Variants in VPS13B observed in about 807,000 individuals in gnomAD.
The protein encoded by VPS13B is intermembrane lipid transfer protein VPS13B.
A neutral mutation model predicts 426.4 loss-of-function variants in VPS13B; 285 were observed. The ratio of observed to expected loss-of-function variants is 0.67; its 90% CI spans 0.61 to 0.74. VPS13B has a LOEUF of 0.74. VPS13B is among the 30% of genes least tolerant of loss of function. VPS13B has a pLI of 0.00. For missense variants in VPS13B, 4,537 were observed against 4,782.6 expected, an observed-to-expected ratio of 0.95 and a Z score of 1.51; for synonymous variants, 1,676 against 1,676.4, an observed-to-expected ratio of 1.00 and a Z score of 0.01.
chr8:99,527,550 C>A (rs1261407278), intron 30 of VPS13B, among the ~76,000 whole-genome samples: 1 of 152,064 alleles, frequency 6.6e-6, no homozygotes, highest in Non-Finnish European at 1.5e-5. Flanking sequence ...ATGTGTTCAA[C>A]CATATCCCTG....
intron 33 of VPS13B, among the ~76,000 whole-genome samples, chr8:99,591,835 G>A (rs960465140): frequency 6.6e-6 from 1 of 151,938 alleles, no homozygotes; most frequent in Non-Finnish European, 1.5e-5. Flanking sequence ...GTTTCTTGGG[G>A]TTGCTCTTCT....
intron 12 of VPS13B, among the ~76,000 whole-genome samples, chr8:99,139,434 C>CTTTTTTTTT (rs368548690): frequency 2.2e-5 from 3 of 135,676 alleles, no homozygotes; most frequent in African/African-American, 5.4e-5. Flanking sequence ...TTGATATTTC[C>CTTTTTTTTT]TTTTTTTTTT....
In VPS13B at chr8:99,336,431, T is replaced by G. The variant is rs563846341; in HGVS notation, c.2825-47777T>G. 1.4e-4 allele frequency among the ~76,000 whole-genome samples: 21 copies of G among 152,258 alleles called. No homozygotes were observed. In the East Asian group the frequency reaches 3.9e-3, roughly 28 times the overall value. ...AAACCCTAGAAGAAAACCTAGGCAT[T>G]ACCATTCAGGACATAGGCATGGGCA... On this transcript the variant is annotated intron_variant, in intron 19 of 61. Coordinates refer to ENST00000357162, the MANE Select transcript of VPS13B (RefSeq NM_152564.5).
chr8:99,528,364 A>C (rs1422682450), intron 30 of VPS13B, among the ~76,000 whole-genome samples: 2 of 152,046 alleles, frequency 1.3e-5, no homozygotes, highest in East Asian at 3.9e-4. Context: ...ATATACATTG[A>C]TTAATATTTG....
intron 61 of VPS13B, among the ~76,000 whole-genome samples, chr8:99,874,567 G>A (rs1156447644): frequency 2.6e-5 from 4 of 151,920 alleles, no homozygotes; most frequent in Non-Finnish European, 4.4e-5. Flanking sequence ...CAAAAACCAC[G>A]GAAAGTTTGG....
intron 33 of VPS13B, among the ~76,000 whole-genome samples, chr8:99,629,506 A>T (rs1343952939): frequency 6.6e-6 from 1 of 152,186 alleles, no homozygotes; most frequent in Non-Finnish European, 1.5e-5. Context: ...GTTCTACAGC[A>T]TTGTAGGGAA....
chr8:99,316,805 C>T (rs1809684309), intron 19 of VPS13B, among the ~76,000 whole-genome samples: 1 of 152,160 alleles, frequency 6.6e-6, no homozygotes, highest in South Asian at 2.1e-4. Flanking sequence ...TGCCTCTAGT[C>T]AGCCATTGTG....
intron 5 of VPS13B, among the ~76,000 whole-genome samples, chr8:99,106,130 T>G (rs1847029974): frequency 6.6e-6 from 1 of 151,908 alleles, no homozygotes; most frequent in Non-Finnish European, 1.5e-5. Context: ...AGAAAGAGCA[T>G]TAAGCAAAAA....
Position 99,391,847 on chromosome 8 carries a change from C to T in VPS13B, c.3082+143C>T, listed in dbSNP as rs1814465072. ...AGAACTTTATTATCCACAACATTAG[C>T]AATAATCACAGTATTAGCATTTTTT... is the stretch of plus-strand genomic sequence containing the variant. On this transcript the variant is annotated intron_variant, in intron 21 of 61. Coordinates refer to ENST00000357162, the MANE Select transcript of VPS13B (RefSeq NM_152564.5). 22 of 1,157,666 alleles carry T rather than the reference C, an allele frequency of 1.9e-5. No homozygotes were observed. In the South Asian group the frequency reaches 2.9e-4, roughly 15 times the overall value. The allele number at this position is 1,157,666 out of a possible 1,614,324, so 71.7% of individuals were successfully genotyped here. A position where few individuals can be genotyped will look rare whatever the true frequency, so the allele number is the denominator to read the frequency against.
At chr8:99,496,820 C>A (rs1321835441) in intron 25 of VPS13B, among the ~76,000 whole-genome samples, 1 of 151,888 alleles carries the variant, frequency 6.6e-6, no homozygotes, top group Non-Finnish European at 1.5e-5. Context: ...TATTTTGGAT[C>A]TCTGGGTTTT....
chr8:99,497,319 T>C (rs1171350601), intron 25 of VPS13B, among the ~76,000 whole-genome samples: 3 of 145,514 alleles, frequency 2.1e-5, no homozygotes, highest in Admixed American at 1.4e-4. Context: ...ATAATATGTA[T>C]ATATTTATAT....
chr8:99,532,130 G>A (rs1350395852), intron 30 of VPS13B, among the ~76,000 whole-genome samples: 2 of 152,046 alleles, frequency 1.3e-5, no homozygotes, highest in African/African-American at 2.4e-5. Flanking sequence ...TTTTGTTCAT[G>A]CCATGAATAT....
chr8:99,742,581 AT>A (rs1235746138), intron 39 of VPS13B, among the ~76,000 whole-genome samples: 1 of 152,178 alleles, frequency 6.6e-6, no homozygotes, highest in East Asian at 1.9e-4. Flanking sequence ...CCTCAATAAA[AT>A]ACTGGCAAAC....
At chr8:99,126,813 G>A (rs1310249950) in intron 8 of VPS13B, among the ~76,000 whole-genome samples, 3 of 152,164 alleles carry the variant, frequency 2.0e-5, no homozygotes, top group Non-Finnish European at 4.4e-5. Flanking sequence ...AAATGTTATC[G>A]CTGGGCACAG....
At position 99,188,860 on chromosome 8, in the gene VPS13B, A is replaced by G. The variant is rs551555329; in HGVS notation, c.2334-4016A>G. On this transcript the variant is annotated intron_variant, in intron 16 of 61. Coordinates refer to ENST00000357162, the MANE Select transcript of VPS13B (RefSeq NM_152564.5). ...TTTCATGCGCTTATTGGCCATTTGT[A>G]TATCTTCTTTGTCAAGTGTCTTTTC... Among the ~76,000 whole-genome samples, 3 of 152,150 alleles carry G rather than the reference A, an allele frequency of 2.0e-5. No homozygotes were observed. In the South Asian group the frequency reaches 6.2e-4, roughly 32 times the overall value.
intron 33 of VPS13B, among the ~76,000 whole-genome samples, chr8:99,588,859 G>A (rs1360287091): frequency 6.6e-6 from 1 of 151,780 alleles, no homozygotes; most frequent in African/African-American, 2.4e-5. Flanking sequence ...TGTTGAATAG[G>A]AGTGGTGAGA....
chr8:99,261,692 A>G (rs1468066818), intron 17 of VPS13B, among the ~76,000 whole-genome samples: 1 of 152,090 alleles, frequency 6.6e-6, no homozygotes, highest in Non-Finnish European at 1.5e-5. Flanking sequence ...ACAGTGAATG[A>G]GGTTCTGTTT....
At chr8:99,367,779 G>A (rs535619109) in intron 19 of VPS13B, among the ~76,000 whole-genome samples, 110 of 152,206 alleles carry the variant, frequency 7.2e-4, no homozygotes, top group African/African-American at 1.2e-3. Context: ...TCAGTCTCCC[G>A]AGTAGCTGGG....
intron 3 of VPS13B, among the ~76,000 whole-genome samples, chr8:99,088,611 A>T (rs1305465504): frequency 6.6e-6 from 1 of 152,196 alleles, no homozygotes; most frequent in African/African-American, 2.4e-5. Flanking sequence ...TTTAATTTCT[A>T]AACTTTTATA....
Sources: allele counts gnomAD v4.1 joint callset (sites outside exome capture counted in the v4.1 genomes callset), GRCh38; gene constraint gnomAD v4.1.1; transcripts MANE v1.5; gene names NCBI Gene and HGNC (gene_info 2026-07-23, HGNC 2026-07-21).